CELF4: variants seen among roughly 807,000 people sequenced by gnomAD.
CELF4 encodes CUGBP Elav-like family member 4.
A neutral mutation model predicts 59.9 loss-of-function variants in CELF4; 18 were observed. The ratio of observed to expected loss-of-function variants is 0.30; its 90% confidence interval spans 0.21 to 0.45. The LOEUF is 0.45. CELF4 is among the 20% of genes least tolerant of loss of function. The pLI, the probability that CELF4 is intolerant of heterozygous loss-of-function variation, is 1.00. For synonymous variants in CELF4, 261 were observed against 267.1 expected (o/e 0.98, Z 0.22); for missense variants, 456 against 689.0 (o/e 0.66, Z 3.79).
intron 2 of CELF4, among the ~76,000 whole-genome samples, chr18:37,330,476 G>A (rs1016929714): frequency 3.3e-5 from 5 of 152,304 alleles, no homozygotes; most frequent in African/African-American, 4.8e-5. Flanking sequence ...CATATGGTGC[G>A]TTCCATAGAG....
intron 2 of CELF4, among the ~76,000 whole-genome samples, chr18:37,348,424 G>A (rs777356840): frequency 7.9e-5 from 12 of 152,206 alleles, no homozygotes; most frequent in African/African-American, 1.7e-4. Context: ...ATGCACCCCC[G>A]GTCCTGTCCA....
chr18:37,431,715 C>T (rs1011261302), intron 2 of CELF4, among the ~76,000 whole-genome samples: 2 of 152,160 alleles, frequency 1.3e-5, no homozygotes, highest in African/African-American at 4.8e-5. Flanking sequence ...GCCACAGTCA[C>T]CATATTAAAA....
At chr18:37,550,728 C>G (rs1303952291) in intron 1 of CELF4, among the ~76,000 whole-genome samples, 1 of 152,186 alleles carries the variant, frequency 6.6e-6, no homozygotes, top group African/African-American at 2.4e-5. Flanking sequence ...AGCTGGAGGC[C>G]GGGCAGACCT....
chr18:37,467,533 G>T (rs2099811960), intron 2 of CELF4, among the ~76,000 whole-genome samples: 1 of 152,118 alleles, frequency 6.6e-6, no homozygotes, highest in Admixed American at 6.5e-5. Context: ...GGATGAGGTG[G>T]CACAGAGGAT....
chr18:37,417,660 A>C (rs1190062915), intron 2 of CELF4, among the ~76,000 whole-genome samples: 7 of 152,194 alleles, frequency 4.6e-5, no homozygotes, highest in African/African-American at 1.7e-4. Context: ...AGGGCCCATC[A>C]GGTCAAATAG....
At chr18:37,344,820 G>A (rs370004193) in intron 2 of CELF4, among the ~76,000 whole-genome samples, 20 of 152,306 alleles carry the variant, frequency 1.3e-4, no homozygotes, top group African/African-American at 4.1e-4. Context: ...GAGGGGACAC[G>A]CCCTGGCAGC....
chr18:37,350,849 T>TG (rs2098423502), intron 2 of CELF4, among the ~76,000 whole-genome samples: 1 of 152,176 alleles, frequency 6.6e-6, no homozygotes, highest in Admixed American at 6.5e-5. Context: ...CCTGAAGTCC[T>TG]GAGGGTCACC....
intron 5 of CELF4, 67 bp downstream of exon 5, chr18:37,274,738 G>T (rs774295794): frequency 1.3e-6 from 2 of 1,510,626 alleles, no homozygotes; most frequent in Non-Finnish European, 1.8e-6. Flanking sequence ...AGCCGGCGGG[G>T]CGTGGCGGGT....
intron 3 of CELF4, among the ~76,000 whole-genome samples, chr18:37,288,693 C>T (rs1436999257): frequency 6.6e-6 from 1 of 152,138 alleles, no homozygotes; most frequent in Non-Finnish European, 1.5e-5. Context: ...CGGCTCTGGG[C>T]ACCTGGAAGG....
At chr18:37,440,338 G>C (rs1181415020) in intron 2 of CELF4, among the ~76,000 whole-genome samples, 2 of 152,196 alleles carry the variant, frequency 1.3e-5, no homozygotes, top group East Asian at 1.9e-4. Context: ...TGAGGAGGAA[G>C]GGCAGGCACG....
chr18:37,312,110 C>CAAAAAAA (rs59872500), intron 3 of CELF4, among the ~76,000 whole-genome samples: 2 of 50,772 alleles, frequency 3.9e-5, no homozygotes, highest in Non-Finnish European at 8.0e-5. Flanking sequence ...GATTCCGTCT[C>CAAAAAAA]AAAAAAAAAA....
At chr18:37,318,282 T>C (rs1387421720) in intron 3 of CELF4, among the ~76,000 whole-genome samples, 1 of 148,888 alleles carries the variant, frequency 6.7e-6, no homozygotes, top group Admixed American at 6.7e-5. Context: ...TCGCTCCCCC[T>C]CCTCCTCCTG....
intron 2 of CELF4, among the ~76,000 whole-genome samples, chr18:37,345,899 G>A (rs2098238598): frequency 6.6e-6 from 1 of 152,276 alleles, no homozygotes; most frequent in East Asian, 1.9e-4. Context: ...TGAGGTGGCT[G>A]AATGGGCTCT....
In CELF4 at chr18:37,244,623, G is replaced by T. The variant is rs118106650; in HGVS notation, c.*619C>A. The T allele has an allele frequency of 1.3e-5, 2 of 149,302 alleles. No individual in the cohort carries two copies. The highest frequency in any genetic ancestry group is 2.5e-5 in the African/African-American group (1 of 40,252). The allele number at this position is 149,302 out of a possible 1,614,324, so 9.2% of individuals were successfully genotyped here. ...TTTTATTACATTTTTTCATAGAATC[G>T]CTCTAAGCTGTTTCAAGAACAGCCA... is the stretch of plus-strand genomic sequence containing the variant. On this transcript the variant is annotated 3_prime_UTR_variant, in exon 13 of 13. Transcript: ENST00000420428.
chr18:37,372,034 G>A (rs1367400117), intron 2 of CELF4, among the ~76,000 whole-genome samples: 1 of 152,226 alleles, frequency 6.6e-6, no homozygotes, highest in East Asian at 1.9e-4. Context: ...TTGTTGGTGG[G>A]AGTGTAAACT....
intron 1 of CELF4, among the ~76,000 whole-genome samples, chr18:37,552,769 T>C (rs1014442405): frequency 2.0e-5 from 3 of 152,364 alleles, no homozygotes; most frequent in African/African-American, 7.2e-5. Context: ...GCTGGATGGT[T>C]CAGCCTGCAT....
At chr18:37,530,543 C>T (rs1439617150) in intron 1 of CELF4, among the ~76,000 whole-genome samples, 18 of 152,170 alleles carry the variant, frequency 1.2e-4, no homozygotes, top group Non-Finnish European at 2.5e-4. Context: ...CCCACTCCCC[C>T]TACCCCCTGC....
At chr18:37,275,334 G>A in intron 3 of CELF4, 91 bp from the exon 4 acceptor site, 1 of 1,485,196 alleles carries the variant, frequency 6.7e-7, no homozygotes, top group South Asian at 1.3e-5. Context: ...GCAGGGAAAG[G>A]GAGGAGCCGG....
At chr18:37,530,274 C>T (rs532568675) in intron 1 of CELF4, among the ~76,000 whole-genome samples, 7 of 152,240 alleles carry the variant, frequency 4.6e-5, no homozygotes, top group Middle Eastern at 3.4e-3. Flanking sequence ...GTCCATTTTA[C>T]GGGGGAGGAA....
Sources: gnomAD v4.1 joint callset for allele counts (sites outside exome capture counted in the v4.1 genomes callset) on GRCh38, gnomAD v4.1.1 for gene constraint, MANE v1.5 for transcripts, NCBI Gene and HGNC (gene_info 2026-07-23, HGNC 2026-07-21) for gene names.